Variants in CSMD1 observed in about 807,000 individuals in gnomAD.
CSMD1 encodes the protein CUB and Sushi multiple domains 1.
In CSMD1, 213 loss-of-function variants were observed where a neutral mutation model predicts 417.5. The ratio of observed to expected loss-of-function variants is 0.51; its 90% CI spans 0.46 to 0.57. The LOEUF (loss-of-function observed/expected upper bound fraction) is 0.57. Ranked by LOEUF, CSMD1 falls within the 20% of genes least tolerant of loss-of-function variation. The pLI is 0.00. For missense variants in CSMD1, 6,923 were observed against 4,529.7 expected, an observed-to-expected ratio of 1.53 and a Z score of -15.17; for synonymous variants, 2,862 against 1,736.8, an observed-to-expected ratio of 1.65 and a Z score of -16.11.
Position 3,089,323 on chromosome 8 carries a change from C to G in CSMD1, c.7286-2038G>C, listed in dbSNP as rs1024497295. On this transcript the variant is annotated intron_variant, in intron 48 of 69. Transcript: ENST00000635120. ...AAACCAGTCTGTACTTTCAACCCGC[C>G]CAATACAGAAGCTTTCATTTGCTTC... 3.3e-5 allele frequency among the ~76,000 whole-genome samples: 5 copies of G among 152,190 alleles called. No homozygotes were observed. The South Asian group carries it at 1.0e-3, about 31-fold the overall frequency.
chr8:2,936,759 C>T lies in CSMD1; in HGVS notation c.*1826G>A, dbSNP rs1432137052. 1.3e-5 allele frequency: 2 copies of T among 152,232 alleles called. No individual in the cohort carries two copies. The highest frequency in any genetic ancestry group is 4.8e-5 in the African/African-American group (2 of 41,452). 9.4% of individuals were successfully genotyped at this position (152,232 alleles called of 1,614,324 possible). On this transcript the variant is annotated 3_prime_UTR_variant, in exon 70 of 70. Coordinates refer to ENST00000635120, the MANE Select transcript of CSMD1 (RefSeq NM_033225.6). ...CCGAGCTCTACGGAAATGTCCGAATCAAAACGCGTGACTCTCCAAAGAATG... is the reference window on the plus strand; with the variant it reads ...CCGAGCTCTACGGAAATGTCCGAATTAAAACGCGTGACTCTCCAAAGAATG...
At chr8:3,196,556 G>C (rs1488850322) in intron 33 of CSMD1, among the ~76,000 whole-genome samples, 2 of 152,136 alleles carry the variant, frequency 1.3e-5, no homozygotes, top group Non-Finnish European at 2.9e-5. Flanking sequence ...TACTTCAGGA[G>C]GGGAATAATT....
chr8:3,771,722 C>T (rs532997343), intron 5 of CSMD1, among the ~76,000 whole-genome samples: 1 of 152,240 alleles, frequency 6.6e-6, no homozygotes, highest in Non-Finnish European at 1.5e-5. Context: ...AGACAAAACG[C>T]AAGATTCAAT....
chr8:4,763,712 A>C (rs1346273762), intron 1 of CSMD1, among the ~76,000 whole-genome samples: 1 of 152,228 alleles, frequency 6.6e-6, no homozygotes, highest in African/African-American at 2.4e-5. Flanking sequence ...ATTATTAAGC[A>C]GAAAATATGC....
intron 2 of CSMD1, among the ~76,000 whole-genome samples, chr8:4,500,362 A>G (rs549903761): frequency 2.0e-4 from 30 of 152,336 alleles, no homozygotes; most frequent in African/African-American, 7.0e-4. Context: ...ATAATAATAA[A>G]TTGAGACAAA....
At chr8:3,434,465 C>A (rs547361936) in intron 12 of CSMD1, among the ~76,000 whole-genome samples, 4 of 152,262 alleles carry the variant, frequency 2.6e-5, no homozygotes, top group Non-Finnish European at 2.9e-5. Flanking sequence ...AAAATAGTAT[C>A]CCTGACAGTT....
chr8:4,753,440 CACACACAT>C (rs1200348226), intron 1 of CSMD1, among the ~76,000 whole-genome samples: 3 of 148,612 alleles, frequency 2.0e-5, no homozygotes, highest in Non-Finnish European at 3.0e-5. Context: ...CACACACACA[CACACACAT>C]GCGCACACAC....
chr8:4,321,091 G>A (rs565940204), intron 3 of CSMD1, among the ~76,000 whole-genome samples: 1 of 152,106 alleles, frequency 6.6e-6, no homozygotes, highest in African/African-American at 2.4e-5. Flanking sequence ...CGCTTATATT[G>A]AGTTTTTGTC....
At chr8:4,426,115 G>A (rs1585055042) in intron 2 of CSMD1, among the ~76,000 whole-genome samples, 1 of 151,578 alleles carries the variant, frequency 6.6e-6, no homozygotes, top group African/African-American at 2.4e-5. Context: ...TATCGCCTAT[G>A]GATGTGACAG....
chr8:3,184,768 G>T (rs1012563624), intron 36 of CSMD1, among the ~76,000 whole-genome samples: 1 of 152,136 alleles, frequency 6.6e-6, no homozygotes, highest in Non-Finnish European at 1.5e-5. Context: ...CCTGCCTCAG[G>T]ATAGCCAATA....
chr8:3,397,779 T>A (rs1186723385), intron 16 of CSMD1, among the ~76,000 whole-genome samples: 1 of 152,196 alleles, frequency 6.6e-6, no homozygotes, highest in East Asian at 1.9e-4. Context: ...ATTTCCAGGA[T>A]GACGTTGGAA....
intron 10 of CSMD1, among the ~76,000 whole-genome samples, chr8:3,556,552 C>CTCTCT (rs1554468421): frequency 4.0e-4 from 56 of 139,822 alleles, no homozygotes; most frequent in African/African-American, 1.5e-3. Context: ...ACACACACAC[C>CTCTCT]CTCTCTCTCT....
intron 7 of CSMD1, among the ~76,000 whole-genome samples, chr8:3,705,354 T>C (rs1018640489): frequency 9.2e-5 from 14 of 152,152 alleles, no homozygotes; most frequent in African/African-American, 3.4e-4. Context: ...CAGCCTTCCA[T>C]CCATACCCTG....
chr8:4,918,696 C>T (rs1282575939), intron 1 of CSMD1, among the ~76,000 whole-genome samples: 2 of 152,098 alleles, frequency 1.3e-5, no homozygotes, highest in Non-Finnish European at 2.9e-5. Flanking sequence ...TATTATTTGA[C>T]TAATACATTT....
At chr8:3,468,585 G>C (rs546662606) in intron 12 of CSMD1, 127 bp downstream of exon 12, 2 of 596,768 alleles carry the variant, frequency 3.4e-6, no homozygotes, top group African/African-American at 3.8e-5. Context: ...GGAAGTTCCC[G>C]TCATGATTCC....
chr8:3,834,626 C>A (rs1390057000), intron 5 of CSMD1, among the ~76,000 whole-genome samples: 4 of 152,082 alleles, frequency 2.6e-5, no homozygotes, highest in African/African-American at 4.8e-5. Flanking sequence ...TCAGAGAGTT[C>A]TTTGAGTCTT....
chr8:3,569,848 G>T (rs1228348967), intron 10 of CSMD1, among the ~76,000 whole-genome samples: 1 of 152,120 alleles, frequency 6.6e-6, no homozygotes, highest in Non-Finnish European at 1.5e-5. Context: ...TATTGGTTGT[G>T]CGGGTATGTC....
chr8:4,725,234 G>C (rs796231950), intron 1 of CSMD1, among the ~76,000 whole-genome samples: 26 of 152,256 alleles, frequency 1.7e-4, no homozygotes, highest in African/African-American at 6.0e-4. Context: ...AAGCTGTTTA[G>C]TATCACGAGC....
At chr8:3,171,019 G>A (rs1820550655) in intron 37 of CSMD1, among the ~76,000 whole-genome samples, 1 of 152,150 alleles carries the variant, frequency 6.6e-6, no homozygotes, top group Non-Finnish European at 1.5e-5. Context: ...GTGACATTTT[G>A]GAATAAATCT....
Sources: gnomAD v4.1 joint callset for allele counts (sites outside exome capture counted in the v4.1 genomes callset) on GRCh38, gnomAD v4.1.1 for gene constraint, MANE v1.5 for transcripts, NCBI Gene and HGNC (gene_info 2026-07-23, HGNC 2026-07-21) for gene names.